VSIG10: variants seen among roughly 807,000 people sequenced by gnomAD.
VSIG10 encodes the protein V-set and immunoglobulin domain-containing protein 10.
Under a neutral mutation model 58.7 loss-of-function variants are expected in VSIG10, and 48 were observed. The ratio of observed to expected loss-of-function variants is 0.82; its 90% CI spans 0.65 to 1.04. VSIG10 has a LOEUF of 1.04. VSIG10 is among the 50% of genes least tolerant of loss of function. The pLI is 0.00. For missense variants in VSIG10, 628 were observed against 670.0 expected, an observed-to-expected ratio of 0.94 and a Z score of 0.69; for synonymous variants, 260 against 267.1, an observed-to-expected ratio of 0.97 and a Z score of 0.26.
chr12:118,075,921 C>T (rs111606891), intron 4 of VSIG10, among the ~76,000 whole-genome samples: 6 of 152,300 alleles, frequency 3.9e-5, no homozygotes, highest in African/African-American at 1.2e-4. Context: ...GGAGTATTCC[C>T]AGAATGAGGA....
At chr12:118,088,423 C>G (rs1162983265) in intron 2 of VSIG10, among the ~76,000 whole-genome samples, 1 of 152,058 alleles carries the variant, frequency 6.6e-6, no homozygotes, top group African/African-American at 2.4e-5. Context: ...CACCGTTACC[C>G]TCAATTTCAC....
At chr12:118,093,995 A>T (rs1360543152) in intron 2 of VSIG10, among the ~76,000 whole-genome samples, 1 of 152,188 alleles carries the variant, frequency 6.6e-6, no homozygotes, top group African/African-American at 2.4e-5. Context: ...TCCCCCATTA[A>T]CAAATGAGGA....
intron 1 of VSIG10, among the ~76,000 whole-genome samples, chr12:118,097,822 C>A (rs1362939391): frequency 6.6e-6 from 1 of 152,052 alleles, no homozygotes; most frequent in Non-Finnish European, 1.5e-5. Flanking sequence ...ACTCGGGAGG[C>A]TGAGGCAGGG....
chr12:118,099,597 T>C (rs1001333595), intron 1 of VSIG10, among the ~76,000 whole-genome samples: 1 of 152,174 alleles, frequency 6.6e-6, no homozygotes, highest in African/African-American at 2.4e-5. Flanking sequence ...GCTGCAGGAA[T>C]AGGAAGATGG....
chr12:118,099,072 A>C (rs959518437), intron 1 of VSIG10, among the ~76,000 whole-genome samples: 1 of 151,282 alleles, frequency 6.6e-6, no homozygotes, highest in Non-Finnish European at 1.5e-5. Flanking sequence ...CCTCCAGGTG[A>C]TTCTGACGCC....
In VSIG10 at chr12:118,066,867, T is replaced by C. The variant is rs900941748; in HGVS notation, c.1568-173A>G. ...TTCCCCTTTTCACCTGTTTTCTACA[T>C]TCAGAACCTCTAGGCATGCTTGATA... On this transcript the variant is annotated intron_variant, in intron 8 of 8. Coordinates refer to ENST00000359236, the MANE Select transcript of VSIG10 (RefSeq NM_019086.6). 1.6e-5 allele frequency: 11 copies of C among 673,092 alleles called. No homozygotes were observed. The Admixed American group carries it at 2.9e-4, about 18-fold the overall frequency. The allele number at this position is 673,092 out of a possible 1,614,324, so 41.7% of individuals were successfully genotyped here. A position where few individuals can be genotyped will look rare whatever the true frequency, so the allele number is the denominator to read the frequency against.
chr12:118,074,602 C>T (rs1052794251), intron 4 of VSIG10, among the ~76,000 whole-genome samples: 1 of 152,014 alleles, frequency 6.6e-6, no homozygotes, highest in East Asian at 1.9e-4. Context: ...CCTCAGCCTC[C>T]CAAGTGGCTG....
At chr12:118,073,662 G>A in intron 5 of VSIG10, 37 bp downstream of exon 5, 8 of 1,566,474 alleles carry the variant, frequency 5.1e-6, no homozygotes, top group Non-Finnish European at 6.9e-6. Context: ...CTGAAGCTCT[G>A]AACCCTCCCT....
chr12:118,084,906 C>G (rs1592874950), intron 2 of VSIG10, among the ~76,000 whole-genome samples: 1 of 152,274 alleles, frequency 6.6e-6, no homozygotes, highest in African/African-American at 2.4e-5. Flanking sequence ...GTAGTCCCAG[C>G]TACTCTGGAG....
intron 2 of VSIG10, among the ~76,000 whole-genome samples, chr12:118,091,447 G>A (rs993358747): frequency 1.1e-4 from 17 of 151,156 alleles, no homozygotes; most frequent in African/African-American, 3.6e-4. Flanking sequence ...AGCTGAGATC[G>A]TGCCACTGCA....
chr12:118,097,688 T>C (rs1341217798), intron 1 of VSIG10, among the ~76,000 whole-genome samples: 2 of 147,776 alleles, frequency 1.4e-5, no homozygotes, highest in Admixed American at 6.9e-5. Context: ...TTTGGGAGGC[T>C]GAGGCGGTGG....
At chr12:118,072,171 A>G (rs113370463) in intron 5 of VSIG10, among the ~76,000 whole-genome samples, 14,233 of 150,888 alleles carry the variant, frequency 0.094, 867 homozygotes, top group Admixed American at 0.13. Context: ...TTCCATCTCA[A>G]AGAAAGAAAG....
At chr12:118,066,810 G>T in intron 8 of VSIG10, 116 bp from the exon 9 acceptor site, 1 of 1,137,322 alleles carries the variant, frequency 8.8e-7, no homozygotes, top group Non-Finnish European at 1.3e-6. Flanking sequence ...CACAGAATGG[G>T]ATCTCATGGA....
At position 118,103,626 on chromosome 12, in the gene VSIG10, G is replaced by A; in HGVS notation, c.46C>T (p.Leu16Phe). 6.6e-7 allele frequency: 1 copy of A among 1,516,148 alleles called. No individual in the cohort carries two copies. Among genetic ancestry groups the A allele is most frequent in the South Asian group, 1.2e-5 (1 of 82,012 alleles). 93.9% of individuals were successfully genotyped at this position (1,516,148 alleles called of 1,614,324 possible). A position where few individuals can be genotyped will look rare whatever the true frequency, so the allele number is the denominator to read the frequency against. Residue 16 changes from leucine to phenylalanine, a missense_variant, in exon 1 of 9, where the codon CTC (leucine) becomes TTC (phenylalanine). Coordinates refer to ENST00000359236, the MANE Select transcript of VSIG10 (RefSeq NM_019086.6). ...SAPEPRVLVCLGALLAGWVAV... is the reference protein window; with the variant it reads ...SAPEPRVLVCFGALLAGWVAV... ...ACCCAGCCGGCCAGGAGCGCCCCGA[G>A]GCAGACGAGGACGCGGGGCTCGGGC...
chr12:118,067,016 T>A (rs981875085), intron 8 of VSIG10, among the ~76,000 whole-genome samples: 2 of 152,072 alleles, frequency 1.3e-5, no homozygotes, highest in African/African-American at 4.8e-5. Context: ...TCCATAAAGC[T>A]TCCCCTGACC....
chr12:118,076,265 T>C (rs1331875535), intron 4 of VSIG10, among the ~76,000 whole-genome samples: 1 of 152,140 alleles, frequency 6.6e-6, no homozygotes, highest in Non-Finnish European at 1.5e-5. Flanking sequence ...AGCAAGCTTT[T>C]CCAACCTGCA....
At chr12:118,076,235 G>C (rs2032720112) in intron 4 of VSIG10, among the ~76,000 whole-genome samples, 1 of 152,150 alleles carries the variant, frequency 6.6e-6, no homozygotes, top group Non-Finnish European at 1.5e-5. Context: ...GGCAGAGCTG[G>C]TTCCTTTTGG....
In VSIG10 at chr12:118,096,847, T is replaced by C. The variant is rs555459314; in HGVS notation, c.80-1033A>G. Among the ~76,000 whole-genome samples the C allele has an allele frequency of 1.4e-3, 209 of 151,898 alleles. 2 individuals are homozygous for C. Among genetic ancestry groups the C allele is most frequent in the Non-Finnish European group, 2.6e-3 (179 of 67,942 alleles). On this transcript the variant is annotated intron_variant, in intron 1 of 8. Coordinates refer to ENST00000359236, the MANE Select transcript of VSIG10 (RefSeq NM_019086.6). The stretch of plus-strand genomic sequence containing the variant: ...TAAGGTCAGGAGTTCGAGACCAGCC[T>C]GGCCAACATGACAAAACCCCGTTTC...
chr12:118,069,419 C>CTT (rs2032390321), intron 7 of VSIG10, among the ~76,000 whole-genome samples: 1 of 107,974 alleles, frequency 9.3e-6, no homozygotes, highest in Admixed American at 9.9e-5. Context: ...TCTTCTTCTT[C>CTT]TTCTTCTTTT....
Sources: gnomAD v4.1 joint callset for allele counts (sites outside exome capture counted in the v4.1 genomes callset) on GRCh38, gnomAD v4.1.1 for gene constraint, MANE v1.5 for transcripts, NCBI Gene and HGNC (gene_info 2026-07-23, HGNC 2026-07-21) for gene names.